The following LRRIQ3 variants were observed in gnomAD, a reference collection of about 807,000 sequenced individuals.
LRRIQ3 encodes the protein leucine rich repeats and IQ motif containing 3, also known as leucine-rich repeat and IQ domain-containing protein 3.
Under a neutral mutation model 59.3 loss-of-function variants are expected in LRRIQ3, and 75 were observed. The observed-to-expected ratio is 1.26, with a 90% CI of 1.05 to 1.53. The LOEUF is 1.53. Among genes scored for constraint, LRRIQ3 ranks in the 40% most tolerant of loss-of-function variants. The pLI, the probability that LRRIQ3 is intolerant of heterozygous loss-of-function variation, is 0.00. For missense variants in LRRIQ3, 831 were observed against 710.0 expected (o/e 1.17, Z -1.94); for synonymous variants, 250 against 231.3 (o/e 1.08, Z -0.73).
At chr1:74,032,299 A>G (rs1030281533) in intron 7 of LRRIQ3, among the ~76,000 whole-genome samples, 2 of 152,106 alleles carry the variant, frequency 1.3e-5, no homozygotes, top group Admixed American at 1.3e-4. Context: ...TTCATTCCAC[A>G]TAACAATTTA....
intron 5 of LRRIQ3, chr1:74,083,589 A>G (rs962380869): frequency 9.2e-5 from 14 of 151,744 alleles, no homozygotes; most frequent in African/African-American, 3.4e-4. Context: ...TCTTAACTAG[A>G]CCAGAGAGCA....
At chr1:74,052,566 A>G (rs935187963) in intron 6 of LRRIQ3, among the ~76,000 whole-genome samples, 1 of 152,126 alleles carries the variant, frequency 6.6e-6, no homozygotes, top group African/African-American at 2.4e-5. Flanking sequence ...GTTCTCGATA[A>G]TGGTAGACAT....
intron 1 of LRRIQ3, among the ~76,000 whole-genome samples, chr1:74,197,016 G>A (rs1651210467): frequency 1.3e-5 from 2 of 151,940 alleles, no homozygotes; most frequent in East Asian, 1.9e-4. Context: ...ACCTTCTCTC[G>A]CTACTTTCTC....
intron 7 of LRRIQ3, among the ~76,000 whole-genome samples, chr1:74,027,946 G>C (rs1653570484): frequency 6.6e-6 from 1 of 152,106 alleles, no homozygotes; most frequent in South Asian, 2.1e-4. Flanking sequence ...ATAAACTAAA[G>C]AGCAAGGAGG....
intron 1 of LRRIQ3, among the ~76,000 whole-genome samples, chr1:74,183,890 G>A (rs1175200760): frequency 6.6e-6 from 1 of 151,848 alleles, no homozygotes; most frequent in Non-Finnish European, 1.5e-5. Flanking sequence ...TGTTATCACT[G>A]CCCTCACCAG....
At chr1:74,184,227 A>C (rs1650207921) in intron 1 of LRRIQ3, among the ~76,000 whole-genome samples, 1 of 152,106 alleles carries the variant, frequency 6.6e-6, no homozygotes, top group African/African-American at 2.4e-5. Context: ...TTGTCAAAAT[A>C]TTTACATTCA....
chr1:74,047,508 G>A (rs984645458), intron 6 of LRRIQ3, among the ~76,000 whole-genome samples: 1 of 151,990 alleles, frequency 6.6e-6, no homozygotes, highest in African/African-American at 2.4e-5. Context: ...GGGTTGATGG[G>A]TGCAGCATAC....
chr1:74,178,090 T>C (rs981175084), intron 3 of LRRIQ3, among the ~76,000 whole-genome samples: 18 of 151,946 alleles, frequency 1.2e-4, no homozygotes, highest in Non-Finnish European at 5.9e-5. Flanking sequence ...GAATTCTACA[T>C]TGTTTGAAAC....
intron 3 of LRRIQ3, among the ~76,000 whole-genome samples, chr1:74,174,286 T>C (rs902248969): frequency 6.6e-6 from 1 of 151,878 alleles, no homozygotes; most frequent in Non-Finnish European, 1.5e-5. Context: ...TTCTTTCTTC[T>C]GCTTGACTGA....
At chr1:74,032,803 A>C (rs1024201041) in intron 7 of LRRIQ3, among the ~76,000 whole-genome samples, 1 of 152,052 alleles carries the variant, frequency 6.6e-6, no homozygotes, top group Admixed American at 6.6e-5. Flanking sequence ...CTTGGTAGCC[A>C]TAATTCTGAC....
At chr1:74,034,502 A>C (rs1164069700) in intron 7 of LRRIQ3, among the ~76,000 whole-genome samples, 1 of 151,902 alleles carries the variant, frequency 6.6e-6, no homozygotes, top group Non-Finnish European at 1.5e-5. Flanking sequence ...TTTACTGTGA[A>C]AAAACTAAGC....
chr1:74,132,666 G>A (rs1015394239), intron 4 of LRRIQ3, among the ~76,000 whole-genome samples: 3 of 152,102 alleles, frequency 2.0e-5, no homozygotes, highest in Non-Finnish European at 4.4e-5. Flanking sequence ...GCCATATGTA[G>A]AAAGCTGAAA....
intron 4 of LRRIQ3, among the ~76,000 whole-genome samples, chr1:74,120,165 T>A (rs1409671330): frequency 1.3e-5 from 2 of 151,836 alleles, no homozygotes; most frequent in East Asian, 3.9e-4. Flanking sequence ...GTCGCCAAGC[T>A]GGAGTACAGT....
At chr1:74,129,547 G>T (rs1646982519) in intron 4 of LRRIQ3, among the ~76,000 whole-genome samples, 1 of 151,992 alleles carries the variant, frequency 6.6e-6, no homozygotes, top group Non-Finnish European at 1.5e-5. Flanking sequence ...CCAAAGCCTG[G>T]AATCTGAGAC....
intron 3 of LRRIQ3, among the ~76,000 whole-genome samples, chr1:74,177,696 T>TA (rs1261222638): frequency 6.8e-6 from 1 of 147,824 alleles, no homozygotes; most frequent in African/African-American, 2.7e-5. Context: ...AAGGAACATA[T>TA]ATTTTAATGT....
At chr1:74,069,432 T>C (rs1280875978) in intron 6 of LRRIQ3, among the ~76,000 whole-genome samples, 1 of 152,014 alleles carries the variant, frequency 6.6e-6, no homozygotes, top group Admixed American at 6.6e-5. Context: ...TCATGAAGTA[T>C]AGCATTATTT....
At chr1:74,188,007 T>A (rs563052680) in intron 1 of LRRIQ3, among the ~76,000 whole-genome samples, 1 of 152,044 alleles carries the variant, frequency 6.6e-6, no homozygotes, top group African/African-American at 2.4e-5. Context: ...AGCAAACACA[T>A]GGAATCAACC....
intron 4 of LRRIQ3, among the ~76,000 whole-genome samples, chr1:74,118,337 T>C (rs1013556379): frequency 1.1e-4 from 17 of 152,094 alleles, no homozygotes; most frequent in African/African-American, 3.6e-4. Context: ...TTAAATGTAT[T>C]TTTTTTGTAA....
At chr1:74,179,961 T>C (rs1313091645) in intron 3 of LRRIQ3, 1 of 151,954 alleles carries the variant, frequency 6.6e-6, no homozygotes, top group African/African-American at 2.4e-5. Flanking sequence ...TGGTAAATTA[T>C]ATATTTGGTA....
Sources: gnomAD v4.1 joint callset for allele counts (sites outside exome capture counted in the v4.1 genomes callset) on GRCh38, gnomAD v4.1.1 for gene constraint, MANE v1.5 for transcripts, NCBI Gene and HGNC (gene_info 2026-07-23, HGNC 2026-07-21) for gene names.